KIAA1217: variants seen among roughly 807,000 people sequenced by gnomAD.
KIAA1217 encodes sickle tail protein homolog.
A neutral mutation model predicts 163.9 loss-of-function variants in KIAA1217; 88 were observed. The ratio of observed to expected loss-of-function variants is 0.54; its 90% confidence interval spans 0.45 to 0.64. KIAA1217 has a LOEUF of 0.64. KIAA1217 is among the 30% of genes least tolerant of loss of function. The probability of loss-of-function intolerance (pLI) is 0.00; values close to 1 mark genes in which losing one functional copy is unlikely to be tolerated. For missense variants in KIAA1217, 2,372 were observed against 2,475.0 expected (o/e 0.96, Z 0.88); for synonymous variants, 903 against 923.1 (o/e 0.98, Z 0.39).
chr10:24,315,832 A>G (rs1176892244), intron 2 of KIAA1217, among the ~76,000 whole-genome samples: 1 of 151,258 alleles, frequency 6.6e-6, no homozygotes. Flanking sequence ...ATGGGAATGT[A>G]TCAGTTTATA....
chr10:24,202,248 A>G (rs897332126), intron 2 of KIAA1217, among the ~76,000 whole-genome samples: 1 of 152,218 alleles, frequency 6.6e-6, no homozygotes, highest in Non-Finnish European at 1.5e-5. Flanking sequence ...AACAAAGTCA[A>G]TTTCAGTGTT....
In KIAA1217 at chr10:24,528,015, A is replaced by C. The variant is rs374904740; in HGVS notation, c.2978A>C (p.Glu993Ala). ...AAAGAGTTTGAGAAGCTCCTAGAAG[A>C]AGCTCAGGCCAATATCATGAAGTCA... is the stretch of plus-strand genomic sequence containing the variant. ...NGKEFEKLLEEAQANIMKSIP... is the reference protein window; with the variant it reads ...NGKEFEKLLEAAQANIMKSIP... The change falls in exon 14 of 21, where the codon GAA becomes GCA. Residue 993 changes from glutamate (E) to alanine (A), a missense_variant. By Grantham distance (107) the Glu-to-Ala change is moderately radical. Around this residue, in one of 3 missense-constraint regions of KIAA1217, gnomAD observed 1,431 missense variants for 1,470.3 expected, o/e 0.97. Transcript: ENST00000376454. The C allele has an allele frequency of 5.1e-5, 82 of 1,613,948 alleles. No homozygotes were observed. The Middle Eastern group carries it at 9.9e-4, about 19-fold the overall frequency.
At chr10:24,433,621 G>T (rs550513344) in intron 4 of KIAA1217, among the ~76,000 whole-genome samples, 29 of 152,276 alleles carry the variant, frequency 1.9e-4, no homozygotes, top group Non-Finnish European at 3.8e-4. Context: ...GGCCCAAAAA[G>T]GTAGCGGAGA....
chr10:24,002,091 T>C (rs1458425866), intron 1 of KIAA1217, among the ~76,000 whole-genome samples: 2 of 152,172 alleles, frequency 1.3e-5, no homozygotes, highest in Non-Finnish European at 2.9e-5. Flanking sequence ...AGGCAGCTGA[T>C]GCCGACTGTG....
At chr10:23,705,507 A>G (rs1296025829) in intron 1 of KIAA1217, among the ~76,000 whole-genome samples, 1 of 152,188 alleles carries the variant, frequency 6.6e-6, no homozygotes, top group Non-Finnish European at 1.5e-5. Flanking sequence ...TGTGAAAAGT[A>G]ATCAAATTTT....
chr10:23,865,789 A>C (rs1459765229), intron 1 of KIAA1217, among the ~76,000 whole-genome samples: 2 of 152,158 alleles, frequency 1.3e-5, no homozygotes, highest in African/African-American at 4.8e-5. Context: ...AAGGTTATTA[A>C]ATTTCAATGA....
intron 1 of KIAA1217, among the ~76,000 whole-genome samples, chr10:23,727,523 G>A (rs1320253749): frequency 6.6e-6 from 1 of 152,150 alleles, no homozygotes; most frequent in East Asian, 1.9e-4. Flanking sequence ...TCACCCCACT[G>A]CACTCCAGTC....
intron 2 of KIAA1217, among the ~76,000 whole-genome samples, chr10:24,245,574 T>C (rs1000731542): frequency 6.6e-6 from 1 of 152,180 alleles, no homozygotes; most frequent in African/African-American, 2.4e-5. Flanking sequence ...TGAATGTTCA[T>C]GAATGCCCCT....
At chr10:24,089,183 T>G (rs1351596184) in intron 2 of KIAA1217, among the ~76,000 whole-genome samples, 4 of 125,328 alleles carry the variant, frequency 3.2e-5, no homozygotes, top group African/African-American at 1.0e-4. Context: ...TCTTTGTAGA[T>G]TCTGGATATT....
At chr10:24,503,788 G>T (rs2067988607) in intron 9 of KIAA1217, among the ~76,000 whole-genome samples, 1 of 152,220 alleles carries the variant, frequency 6.6e-6, no homozygotes, top group Non-Finnish European at 1.5e-5. Context: ...TGGGGCTCCT[G>T]GAGGTCAAGC....
chr10:24,239,474 C>G (rs1448778546), intron 2 of KIAA1217: 1 of 184,604 alleles, frequency 5.4e-6, no homozygotes, highest in Non-Finnish European at 9.8e-6. Flanking sequence ...AATGTTCGTG[C>G]TAAAGGGCTG....
At chr10:23,706,803 T>G (rs1588634487) in intron 1 of KIAA1217, among the ~76,000 whole-genome samples, 1 of 152,250 alleles carries the variant, frequency 6.6e-6, no homozygotes, top group Non-Finnish European at 1.5e-5. Context: ...TCAGGCACTT[T>G]TGGGACATGT....
intron 1 of KIAA1217, among the ~76,000 whole-genome samples, chr10:23,933,626 G>T (rs2131316723): frequency 6.6e-6 from 1 of 152,084 alleles, no homozygotes; most frequent in Non-Finnish European, 1.5e-5. Flanking sequence ...TGGGAGAAAA[G>T]TTTTGCAATC....
chr10:23,949,754 T>C (rs576456364), intron 1 of KIAA1217, among the ~76,000 whole-genome samples: 258 of 152,276 alleles, frequency 1.7e-3, no homozygotes, highest in African/African-American at 6.1e-3. Flanking sequence ...GTGTTGTATA[T>C]AAAAAGTGAG....
At chr10:24,361,459 T>C (rs902293066) in intron 2 of KIAA1217, among the ~76,000 whole-genome samples, 1 of 152,124 alleles carries the variant, frequency 6.6e-6, no homozygotes, top group African/African-American at 2.4e-5. Flanking sequence ...AAGTGCTGAA[T>C]TTACAGGTGT....
intron 2 of KIAA1217, among the ~76,000 whole-genome samples, chr10:24,105,812 G>A (rs1227817567): frequency 6.6e-6 from 1 of 152,216 alleles, no homozygotes; most frequent in Non-Finnish European, 1.5e-5. Context: ...TAGAATGGAA[G>A]CTATGGCAAC....
At chr10:24,184,483 T>A (rs939763613) in intron 2 of KIAA1217, among the ~76,000 whole-genome samples, 1 of 152,234 alleles carries the variant, frequency 6.6e-6, no homozygotes, top group African/African-American at 2.4e-5. Context: ...CTTTTCCTAA[T>A]GCAAATAAGC....
intron 2 of KIAA1217, among the ~76,000 whole-genome samples, chr10:24,322,479 A>G (rs1426486695): frequency 6.6e-6 from 1 of 152,192 alleles, no homozygotes; most frequent in Non-Finnish European, 1.5e-5. Flanking sequence ...GGGAAGCACC[A>G]GCAAGGAAAA....
chr10:24,409,402 T>G (rs1020248270), intron 3 of KIAA1217, among the ~76,000 whole-genome samples: 1 of 152,184 alleles, frequency 6.6e-6, no homozygotes, highest in Non-Finnish European at 1.5e-5. Flanking sequence ...TTCTAGGGAA[T>G]GCAAATTAAT....
Sources: gnomAD v4.1 joint callset for allele counts (sites outside exome capture counted in the v4.1 genomes callset) on GRCh38, gnomAD v4.1.1 for gene constraint, gnomAD v4.1.1 regional missense constraint, MANE v1.5 for transcripts, NCBI Gene and HGNC (gene_info 2026-07-23, HGNC 2026-07-21) for gene names.